Variants in IGDCC3 observed in about 807,000 individuals in gnomAD.
The protein encoded by IGDCC3 is immunoglobulin superfamily DCC subclass member 3, also known as putative neuronal cell adhesion molecule.
IGDCC3 carries 47 observed loss-of-function variants against 72.0 expected under a neutral mutation model. The observed-to-expected ratio is 0.65, with a 90% CI of 0.52 to 0.83. The LOEUF (loss-of-function observed/expected upper bound fraction) is 0.83. IGDCC3 is among the 40% of genes least tolerant of loss of function. The pLI is 0.00. For missense variants in IGDCC3, 1,038 were observed against 1,091.3 expected, an observed-to-expected ratio of 0.95 and a Z score of 0.69; for synonymous variants, 477 against 472.8, an observed-to-expected ratio of 1.01 and a Z score of -0.11.
chr15:65,362,568 T>TG lies in IGDCC3; in HGVS notation c.409+12528dup, dbSNP rs1014628404. Among the ~76,000 whole-genome samples, 8 of 40,176 alleles carry TG rather than the reference T, an allele frequency of 2.0e-4. No individual in the cohort carries two copies. The East Asian group carries it at 6.4e-3, about 32-fold the overall frequency. The allele number at this position is 40,176 out of a possible 152,430, so 26.4% of individuals were successfully genotyped here. Reference sequence around the variant, plus strand: ...CCCACTGGCAAGGGGTGAGGGTGGGTGGGGGGGTGCACAGAACTCCACACT... The same window carrying TG: ...CCCACTGGCAAGGGGTGAGGGTGGGTGGGGGGGGTGCACAGAACTCCACACT... On this transcript the variant is annotated intron_variant, in intron 2 of 13. Coordinates refer to ENST00000327987, the MANE Select transcript of IGDCC3 (RefSeq NM_004884.4).
At chr15:65,335,675 T>C (rs1595751743) in intron 3 of IGDCC3, 137 bp downstream of exon 3, 3 of 1,016,334 alleles carry the variant, frequency 3.0e-6, no homozygotes, top group Non-Finnish European at 4.5e-6. Context: ...GTCTAAACTG[T>C]GGTTGCAGAA....
At chr15:65,358,026 G>A (rs1394204127) in intron 2 of IGDCC3, among the ~76,000 whole-genome samples, 1 of 151,798 alleles carries the variant, frequency 6.6e-6, no homozygotes, top group African/African-American at 2.4e-5. Flanking sequence ...CTAGGGAGAG[G>A]CTTAAAGCCC....
At chr15:65,345,575 C>G (rs935047546) in intron 2 of IGDCC3, among the ~76,000 whole-genome samples, 8 of 151,152 alleles carry the variant, frequency 5.3e-5, no homozygotes, top group Non-Finnish European at 7.4e-5. Flanking sequence ...CACACACACA[C>G]ACACGCACAC....
At chr15:65,333,825 G>A (rs991724156) in intron 5 of IGDCC3, among the ~76,000 whole-genome samples, 5 of 152,184 alleles carry the variant, frequency 3.3e-5, no homozygotes, top group African/African-American at 4.8e-5. Context: ...GGGGGAACCC[G>A]GTTAACTTTG....
chr15:65,347,144 G>A (rs886219441), intron 2 of IGDCC3, among the ~76,000 whole-genome samples: 1 of 152,204 alleles, frequency 6.6e-6, no homozygotes, highest in African/African-American at 2.4e-5. Flanking sequence ...TCCCGGAAGG[G>A]TGTCTGGTTA....
chr15:65,348,108 C>T, intron 2 of IGDCC3, among the ~76,000 whole-genome samples: 1 of 152,186 alleles, frequency 6.6e-6, no homozygotes, highest in Non-Finnish European at 1.5e-5. Flanking sequence ...AATGCCATGG[C>T]ACTGTCAGGA....
At chr15:65,335,726 C>A in intron 3 of IGDCC3, 86 bp downstream of exon 3, 1 of 1,515,138 alleles carries the variant, frequency 6.6e-7, no homozygotes, top group Non-Finnish European at 9.1e-7. Flanking sequence ...AACTGCAGCT[C>A]CCAGAGCCGC....
At chr15:65,374,587 A>C (rs2091346635) in intron 2 of IGDCC3, among the ~76,000 whole-genome samples, 1 of 152,144 alleles carries the variant, frequency 6.6e-6, no homozygotes, top group African/African-American at 2.4e-5. Flanking sequence ...TATTTTTTTA[A>C]TGCAAACTAT....
At chr15:65,355,664 C>T (rs1189503230) in intron 2 of IGDCC3, 1 of 201,008 alleles carries the variant, frequency 5.0e-6, no homozygotes, top group Non-Finnish European at 1.1e-5. Context: ...CGTCCCGCCC[C>T]CCCGCCCCTC....
At chr15:65,373,123 A>G (rs2091337266) in intron 2 of IGDCC3, among the ~76,000 whole-genome samples, 1 of 152,206 alleles carries the variant, frequency 6.6e-6, no homozygotes, top group Non-Finnish European at 1.5e-5. Flanking sequence ...TTAGCTATAT[A>G]TATATAAGCC....
At chr15:65,331,724 G>T in intron 7 of IGDCC3, 65 bp from the exon 8 acceptor site, 1 of 1,494,624 alleles carries the variant, frequency 6.7e-7, no homozygotes, top group Non-Finnish European at 8.9e-7. Context: ...CTCCCCATTT[G>T]AAAGATGGAG....
At position 65,330,649 on chromosome 15, in the gene IGDCC3, C is replaced by A; in HGVS notation, c.1654G>T (p.Gly552Cys). The A allele has an allele frequency of 6.2e-7, 1 of 1,613,646 alleles. No individual in the cohort carries two copies. The highest frequency in any genetic ancestry group is 8.5e-7 in the Non-Finnish European group (1 of 1,179,828). Residue 552 changes from glycine (G) to cysteine (C), a missense_variant, in exon 10 of 14, where the codon GGC (glycine) becomes TGC (cysteine). Transcript: ENST00000327987. Reference protein sequence around the residue: ...EPWPRLAQHEGGFKLFYRPAS... With the variant: ...EPWPRLAQHECGFKLFYRPAS... The stretch of plus-strand genomic sequence containing the variant: ...GGGCGGTAAAACAGCTTGAAGCCGC[C>A]CTCGTGCTGGGCCAGCCGGGGCCAA...
chr15:65,347,223 A>G (rs1194105644), intron 2 of IGDCC3, among the ~76,000 whole-genome samples: 1 of 152,220 alleles, frequency 6.6e-6, no homozygotes, highest in Non-Finnish European at 1.5e-5. Flanking sequence ...CAACAAAAAC[A>G]GATACTTCCC....
chr15:65,349,250 G>GA (rs546003323), intron 2 of IGDCC3, among the ~76,000 whole-genome samples: 1,726 of 150,986 alleles, frequency 0.011, 30 homozygotes, highest in African/African-American at 0.039. Context: ...TGGCCAGAAT[G>GA]AAAAAAAAAT....
intron 10 of IGDCC3, 73 bp from the exon 11 acceptor site, chr15:65,330,470 G>A: frequency 6.4e-7 from 1 of 1,573,736 alleles, no homozygotes. Context: ...GGAAAGGGAG[G>A]TGACCCCTGT....
chr15:65,372,777 C>CG (rs1434334708), intron 2 of IGDCC3, among the ~76,000 whole-genome samples: 5 of 152,166 alleles, frequency 3.3e-5, no homozygotes, highest in Admixed American at 2.0e-4. Context: ...GGCAGGCACA[C>CG]GGGCAGGGAG....
At chr15:65,335,148 A>C in intron 4 of IGDCC3, 143 bp downstream of exon 4, 1 of 927,286 alleles carries the variant, frequency 1.1e-6, no homozygotes, top group Non-Finnish European at 1.6e-6. Context: ...GTGCACCCTC[A>C]CGCCAGGCAG....
At chr15:65,353,290 C>A (rs755558972) in intron 2 of IGDCC3, among the ~76,000 whole-genome samples, 16 of 142,652 alleles carry the variant, frequency 1.1e-4, no homozygotes, top group Non-Finnish European at 2.3e-4. Context: ...CTTGCTCTGT[C>A]CCCAAGCTGG....
chr15:65,331,379 A>T, intron 8 of IGDCC3, 33 bp downstream of exon 8: 1 of 1,579,078 alleles, frequency 6.3e-7, no homozygotes. Flanking sequence ...ATAGTGAATT[A>T]GAGGAAGGGG....
Sources: allele counts gnomAD v4.1 joint callset (sites outside exome capture counted in the v4.1 genomes callset), GRCh38; gene constraint gnomAD v4.1.1; transcripts MANE v1.5; gene names NCBI Gene and HGNC (gene_info 2026-07-23, HGNC 2026-07-21).